EFR3B: variants seen among roughly 807,000 people sequenced by gnomAD.
The protein encoded by EFR3B is protein EFR3 homolog B.
Under a neutral mutation model 104.7 loss-of-function variants are expected in EFR3B, and 64 were observed. The ratio of observed to expected loss-of-function variants is 0.61; its 90% CI spans 0.50 to 0.75. The LOEUF is 0.75. Ranked by LOEUF, EFR3B falls within the 30% of genes least tolerant of loss-of-function variation. EFR3B has a pLI of 0.00. For missense variants in EFR3B, 750 were observed against 1,078.5 expected (o/e 0.70, Z 4.27); for synonymous variants, 385 against 417.9 (o/e 0.92, Z 0.96).
At chr2:25,148,462 C>T (rs1670895379) in intron 19 of EFR3B, among the ~76,000 whole-genome samples, 2 of 151,462 alleles carry the variant, frequency 1.3e-5, no homozygotes, top group East Asian at 2.0e-4. Context: ...ACCACGTTGA[C>T]CAGGCCGGTC....
chr2:25,103,828 T>C (rs1669488781), intron 4 of EFR3B, 41 bp downstream of exon 4: 2 of 1,547,400 alleles, frequency 1.3e-6, no homozygotes, highest in South Asian at 2.4e-5. Flanking sequence ...CCCAGCCGCA[T>C]CCTGGGGGGT....
rs1355751099 is a variant in EFR3B at position 25,136,421 on chromosome 2, T to G, written c.1485-102T>G. The G allele has an allele frequency of 1.1e-6, 1 of 936,378 alleles. No individual in the cohort carries two copies. The highest frequency in any genetic ancestry group is 1.6e-6 in the Non-Finnish European group (1 of 611,894). 58.0% of individuals were successfully genotyped at this position (936,378 alleles called of 1,614,324 possible). A position where few individuals can be genotyped will look rare whatever the true frequency, so the allele number is the denominator to read the frequency against. ...CCAGGGCCAGGGGAGCACTGGAGGCTTTGTACCAACTAACAATGTTGGGGA... is the reference window on the plus strand; with the variant it reads ...CCAGGGCCAGGGGAGCACTGGAGGCGTTGTACCAACTAACAATGTTGGGGA... On this transcript the variant is annotated intron_variant, in intron 13 of 22. Transcript: ENST00000403714. This position sits in a 1 kb window ranked among gnomAD's most constrained non-coding sequence, Gnocchi z 4.0.
At chr2:25,049,446 A>T (rs1667807571) in intron 1 of EFR3B, among the ~76,000 whole-genome samples, 2 of 152,238 alleles carry the variant, frequency 1.3e-5, no homozygotes, top group African/African-American at 4.8e-5. Context: ...AGAAGAATAT[A>T]TAAAAGTAGT....
Position 25,137,295 on chromosome 2 carries a change from G to A in EFR3B, c.1561-46G>A, listed in dbSNP as rs377605621. 2.5e-4 allele frequency: 392 copies of A among 1,547,816 alleles called. 2 individuals carry two copies. The African/African-American group carries it at 4.7e-3, about 18-fold the overall frequency. ...CCTCCGTGTTCTCCTTGCCCCTCCT[G>A]TCCCCATCCCTCCGACCCTGGCCTT... On this transcript the variant is annotated intron_variant, in intron 14 of 22. Coordinates refer to ENST00000403714, the MANE Select transcript of EFR3B (RefSeq NM_014971.2). This position sits in a 1 kb window ranked among gnomAD's most constrained non-coding sequence, Gnocchi z 4.7.
intron 19 of EFR3B, chr2:25,147,549 T>C (rs1303580631): frequency 3.3e-5 from 5 of 152,236 alleles, no homozygotes; most frequent in Non-Finnish European, 5.9e-5. Flanking sequence ...AAAGTGTGTA[T>C]GCCCACGCAA....
At chr2:25,093,479 C>G (rs1276953249) in intron 3 of EFR3B, among the ~76,000 whole-genome samples, 6 of 151,378 alleles carry the variant, frequency 4.0e-5, no homozygotes, top group Non-Finnish European at 1.5e-5. Flanking sequence ...GGGTGACTCT[C>G]AGAGTAAGAT....
intron 1 of EFR3B, chr2:25,081,591 TC>T: frequency 3.6e-6 from 3 of 844,290 alleles, no homozygotes; most frequent in Non-Finnish European, 6.2e-6. Flanking sequence ...ATCCATAACT[TC>T]CTAGAGCCTG....
At chr2:25,081,610 G>A (rs1339221412) in intron 1 of EFR3B, 2 of 769,322 alleles carry the variant, frequency 2.6e-6, no homozygotes, top group Non-Finnish European at 2.3e-6. Context: ...CTGAGCAGTG[G>A]CCCGCAGGGC....
At chr2:25,095,954 C>T (rs890318120) in intron 3 of EFR3B, among the ~76,000 whole-genome samples, 1 of 152,152 alleles carries the variant, frequency 6.6e-6, no homozygotes, top group Non-Finnish European at 1.5e-5. Context: ...TGGCGTTGCT[C>T]ATGGAGCTGA....
Position 25,139,102 on chromosome 2 carries a change from G to T in EFR3B, c.1766G>T (p.Arg589Leu). ...GAGGAGAACTTGCCTGTCTACAACC[G>T]CTGTGCCCTCTATGCTCTGGGCGCA... Reference protein sequence around the residue: ...VNEENLPVYNRCALYALGAAY... With the variant: ...VNEENLPVYNLCALYALGAAY... The change falls in exon 16 of 23, where the codon CGC (arginine) becomes CTC (leucine). Residue 589 changes from arginine (R) to leucine (L), a missense_variant. Physicochemically the swap from Arg to Leu is moderately radical, Grantham distance 102. Transcript: ENST00000403714. The T allele has an allele frequency of 6.4e-7, 1 of 1,551,686 alleles. No homozygotes were observed. The highest frequency in any genetic ancestry group is 8.7e-7 in the Non-Finnish European group (1 of 1,146,972).
Position 25,158,189 on chromosome 2 carries a change from G to C in EFR3B, c.*3849G>C, listed in dbSNP as rs1308043945. On this transcript the variant is annotated 3_prime_UTR_variant, in exon 23 of 23. Coordinates refer to ENST00000403714, the MANE Select transcript of EFR3B (RefSeq NM_014971.2). ...CATTGTCCCCAGGCCTCCTGACCTG[G>C]TGACAGAGAGTGCCCTGCAGAAGTG... 6.6e-6 allele frequency: 1 copy of C among 152,288 alleles called. No homozygotes were observed. The highest frequency in any genetic ancestry group is 2.4e-5 in the African/African-American group (1 of 41,458). The allele number at this position is 152,288 out of a possible 1,614,324, so 9.4% of individuals were successfully genotyped here. A position where few individuals can be genotyped will look rare whatever the true frequency, so the allele number is the denominator to read the frequency against.
intron 3 of EFR3B, among the ~76,000 whole-genome samples, chr2:25,095,815 A>G (rs986031486): frequency 2.0e-5 from 3 of 152,172 alleles, no homozygotes; most frequent in Non-Finnish European, 4.4e-5. Context: ...TTTTTCCTAA[A>G]TATTTTTTAT....
intron 4 of EFR3B, among the ~76,000 whole-genome samples, chr2:25,121,308 G>A (rs1670007403): frequency 6.6e-6 from 1 of 152,190 alleles, no homozygotes. Flanking sequence ...CTTCGTCGCT[G>A]GCTTTCACTC....
chr2:25,151,428 G>A (rs1165432063), intron 20 of EFR3B, among the ~76,000 whole-genome samples: 1 of 151,904 alleles, frequency 6.6e-6, no homozygotes, highest in African/African-American at 2.4e-5. Context: ...GCTAATTTTT[G>A]TATTTTTAGT....
At chr2:25,148,834 A>G (rs1397504368) in intron 19 of EFR3B, among the ~76,000 whole-genome samples, 2 of 143,336 alleles carry the variant, frequency 1.4e-5, no homozygotes, top group African/African-American at 5.2e-5. Context: ...AGGCAGGAGA[A>G]TGGCGTGAAC....
intron 1 of EFR3B, among the ~76,000 whole-genome samples, chr2:25,058,603 A>G (rs1185380571): frequency 1.3e-5 from 2 of 152,116 alleles, no homozygotes; most frequent in African/African-American, 4.8e-5. Context: ...TTCTAAAAAT[A>G]TAAAAATTAG....
At position 25,042,740 on chromosome 2, in the gene EFR3B, G is replaced by A. The variant is rs890784865; in HGVS notation, c.7+421G>A. On this transcript the variant is annotated intron_variant, in intron 1 of 22. Transcript: ENST00000403714. This position sits in a 1 kb window ranked among gnomAD's most constrained non-coding sequence, Gnocchi z 5.4. ...GACGCCCGCGGCCGGTCGTCTGCGC[G>A]GCTCGGAGAAGGCGGGAGGCGGCGC... 12 of 982,146 alleles carry A rather than the reference G, an allele frequency of 1.2e-5. No individual in the cohort carries two copies. The highest frequency in any genetic ancestry group is 1.3e-5 in the Non-Finnish European group (11 of 825,434). The allele number at this position is 982,146 out of a possible 1,614,324, so 60.8% of individuals were successfully genotyped here. A position where few individuals can be genotyped will look rare whatever the true frequency, so the allele number is the denominator to read the frequency against.
At chr2:25,046,290 CAGG>C (rs759118838) in intron 1 of EFR3B, among the ~76,000 whole-genome samples, 1 of 151,592 alleles carries the variant, frequency 6.6e-6, no homozygotes, top group Non-Finnish European at 1.5e-5. Context: ...GAGGCTGAGG[CAGG>C]AGAATTGCTT....
chr2:25,133,558 T>C, intron 12 of EFR3B, 124 bp downstream of exon 12: 2 of 1,061,362 alleles, frequency 1.9e-6, no homozygotes, highest in Non-Finnish European at 2.8e-6. Context: ...ACCCAGTCGG[T>C]TGAGTCGGGG....
Sources: gnomAD v4.1 joint callset for allele counts (sites outside exome capture counted in the v4.1 genomes callset) on GRCh38, gnomAD v4.1.1 for gene constraint, Gnocchi (gnomAD v3.1) non-coding constraint, MANE v1.5 for transcripts, NCBI Gene and HGNC (gene_info 2026-07-23, HGNC 2026-07-21) for gene names.